Variants in NEDD4 observed in about 807,000 individuals in gnomAD.
The protein encoded by NEDD4 is NEDD4 E3 ubiquitin protein ligase.
NEDD4 carries 99 observed loss-of-function variants against 144.9 expected under a neutral mutation model. The observed-to-expected ratio is 0.68, with a 90% CI of 0.58 to 0.81. The LOEUF (loss-of-function observed/expected upper bound fraction) is 0.81, where lower values mean the gene tolerates loss of function less well. NEDD4 is among the 30% of genes least tolerant of loss of function. The probability of loss-of-function intolerance (pLI) is 0.00; values close to 1 mark genes in which losing one functional copy is unlikely to be tolerated. For missense variants in NEDD4, 985 were observed against 1,065.9 expected (o/e 0.92, Z 1.06); for synonymous variants, 318 against 350.6 (o/e 0.91, Z 1.04).
chr15:55,984,596 C>G (rs1397749153), intron 1 of NEDD4, among the ~76,000 whole-genome samples: 1 of 152,218 alleles, frequency 6.6e-6, no homozygotes, highest in African/African-American at 2.4e-5. Context: ...ATTGCCCCAA[C>G]ATGTCTCGCA....
intron 5 of NEDD4, among the ~76,000 whole-genome samples, chr15:55,876,189 T>A (rs1257818548): frequency 6.6e-6 from 1 of 152,180 alleles, no homozygotes; most frequent in East Asian, 1.9e-4. Flanking sequence ...ATAAAGATAC[T>A]TTCGGATAAA....
chr15:55,854,548 C>T (rs1019664045), intron 12 of NEDD4, among the ~76,000 whole-genome samples: 8 of 152,192 alleles, frequency 5.3e-5, no homozygotes, highest in African/African-American at 1.2e-4. Flanking sequence ...TCCCTTTACA[C>T]GAGATTTCTA....
At chr15:55,843,313 A>G (rs1257512550) in intron 18 of NEDD4, among the ~76,000 whole-genome samples, 1 of 152,232 alleles carries the variant, frequency 6.6e-6, no homozygotes, top group East Asian at 1.9e-4. Context: ...TAACAACACT[A>G]TGCGAAAGCT....
At chr15:55,921,195 C>T (rs1252154022) in intron 5 of NEDD4, among the ~76,000 whole-genome samples, 1 of 152,102 alleles carries the variant, frequency 6.6e-6, no homozygotes, top group Non-Finnish European at 1.5e-5. Context: ...TTGTTGTCCT[C>T]ATTTTTTAAA....
At chr15:55,927,766 T>C (rs528352088) in intron 4 of NEDD4, among the ~76,000 whole-genome samples, 19 of 152,276 alleles carry the variant, frequency 1.2e-4, no homozygotes, top group Admixed American at 5.9e-4. Flanking sequence ...AGACAGACCC[T>C]GGTGTCTACA....
At chr15:55,925,181 T>A (rs1382468005) in intron 4 of NEDD4, among the ~76,000 whole-genome samples, 1 of 152,272 alleles carries the variant, frequency 6.6e-6, no homozygotes, top group African/African-American at 2.4e-5. Flanking sequence ...CATGTGTCAC[T>A]CATTTTCTAG....
At chr15:55,942,962 C>T (rs1039580217) in intron 4 of NEDD4, among the ~76,000 whole-genome samples, 1 of 152,178 alleles carries the variant, frequency 6.6e-6, no homozygotes, top group Admixed American at 6.5e-5. Context: ...CTTTTGGGAA[C>T]TGAAATAAAG....
chr15:55,912,514 A>T (rs1239042251), intron 5 of NEDD4, among the ~76,000 whole-genome samples: 1 of 152,160 alleles, frequency 6.6e-6, no homozygotes, highest in African/African-American at 2.4e-5. Context: ...AATGGAAGAC[A>T]TTCAAGCTTG....
At chr15:55,964,529 A>T (rs2037477068) in intron 2 of NEDD4, among the ~76,000 whole-genome samples, 1 of 151,506 alleles carries the variant, frequency 6.6e-6, no homozygotes, top group African/African-American at 2.4e-5. Context: ...TTGTGGCCAT[A>T]TTTTCTTTTC....
intron 5 of NEDD4, among the ~76,000 whole-genome samples, chr15:55,907,909 T>G (rs1306667897): frequency 6.6e-6 from 1 of 152,208 alleles, no homozygotes; most frequent in Non-Finnish European, 1.5e-5. Flanking sequence ...TAGTGGAATA[T>G]GTAGGCTATG....
intron 28 of NEDD4, 72 bp downstream of exon 28, chr15:55,830,442 G>T: frequency 7.7e-7 from 1 of 1,302,516 alleles, no homozygotes; most frequent in Non-Finnish European, 1.1e-6. Flanking sequence ...GACTAGCCCT[G>T]CTGTGGCTAG....
chr15:55,980,981 T>C (rs1648188144), intron 1 of NEDD4, among the ~76,000 whole-genome samples: 2 of 150,290 alleles, frequency 1.3e-5, no homozygotes, highest in South Asian at 2.1e-4. Context: ...TATAGGGTAA[T>C]AAGGTAAAAA....
At chr15:55,905,080 G>A (rs1363842651) in intron 5 of NEDD4, 10 of 305,472 alleles carry the variant, frequency 3.3e-5, no homozygotes, top group East Asian at 2.0e-4. Flanking sequence ...CAACAAGAGC[G>A]AAATTCCGTC....
chr15:55,951,668 T>A (rs1261164403), intron 2 of NEDD4, 79 bp from the exon 3 acceptor site: 3 of 1,061,432 alleles, frequency 2.8e-6, no homozygotes, highest in Admixed American at 3.6e-5. Context: ...GACTATAAAA[T>A]TCACAGTTTT....
chr15:55,894,027 TGGA>T (rs1489360600), intron 5 of NEDD4, among the ~76,000 whole-genome samples: 1 of 152,034 alleles, frequency 6.6e-6, no homozygotes, highest in Non-Finnish European at 1.5e-5. Flanking sequence ...AATGAGGAAA[TGGA>T]GTTAGATAAA....
At chr15:55,970,770 G>T (rs994221718) in intron 1 of NEDD4, among the ~76,000 whole-genome samples, 6 of 152,198 alleles carry the variant, frequency 3.9e-5, no homozygotes, top group African/African-American at 1.4e-4. Context: ...AGTGACCAAA[G>T]ACTTAAGATT....
At chr15:55,928,263 C>G in intron 4 of NEDD4, among the ~76,000 whole-genome samples, 1 of 152,300 alleles carries the variant, frequency 6.6e-6, no homozygotes, top group African/African-American at 2.4e-5. Context: ...CCACCCACCT[C>G]GGCCTCCCAA....
intron 4 of NEDD4, among the ~76,000 whole-genome samples, chr15:55,931,476 G>C (rs1354111954): frequency 8.6e-5 from 13 of 151,812 alleles, no homozygotes; most frequent in Admixed American, 3.3e-4. Flanking sequence ...ACAAAAAATA[G>C]AGTTTATAAG....
intron 5 of NEDD4, among the ~76,000 whole-genome samples, chr15:55,882,662 G>C (rs1037035250): frequency 2.6e-5 from 4 of 152,302 alleles, no homozygotes; most frequent in Non-Finnish European, 5.9e-5. Flanking sequence ...CAGTGGACTT[G>C]GGGGGCAGGT....
Sources: allele counts gnomAD v4.1 joint callset (sites outside exome capture counted in the v4.1 genomes callset), GRCh38; gene constraint gnomAD v4.1.1; transcripts MANE v1.5; gene names NCBI Gene and HGNC (gene_info 2026-07-23, HGNC 2026-07-21).